The following MROH7 variants were observed in gnomAD, a reference collection of about 807,000 sequenced individuals.
The protein encoded by MROH7 is maestro heat like repeat family member 7, also known as maestro heat-like repeat-containing protein family member 7.
A neutral mutation model predicts 129.2 loss-of-function variants in MROH7; 113 were observed. That is an observed-to-expected ratio of 0.87 (90% CI 0.75 to 1.02). MROH7 has a LOEUF of 1.02. Ranked by LOEUF, MROH7 falls within the 50% of genes least tolerant of loss-of-function variation. The probability of loss-of-function intolerance (pLI) is 0.00; values close to 1 mark genes in which losing one functional copy is unlikely to be tolerated. For missense variants in MROH7, 1,601 were observed against 1,671.3 expected (o/e 0.96, Z 0.73); for synonymous variants, 655 against 667.9 (o/e 0.98, Z 0.30).
intron 17 of MROH7, chr1:54,699,156 T>TTCTTTC (rs1645382939): frequency 2.3e-5 from 2 of 85,686 alleles, no homozygotes; most frequent in Admixed American, 1.2e-4. Flanking sequence ...CTTTCTTTCT[T>TTCTTTC]TCTTTTCTTT....
chr1:54,652,843 C>G lies in MROH7; in HGVS notation c.-74-10C>G, dbSNP rs1337251727. On this transcript the variant is annotated splice_polypyrimidine_tract_variant and intron_variant, in intron 2 of 23. Transcript: ENST00000421030. ...TGGCATGGCTGCATTTGTCTTTTCT[C>G]TCTCTCAAGACTGCTGCTGGGAATG... 1 of 1,502,474 alleles carries G rather than the reference C, an allele frequency of 6.7e-7. No homozygotes were observed. Among genetic ancestry groups the G allele is most frequent in the Non-Finnish European group, 8.9e-7 (1 of 1,123,182 alleles). The allele number at this position is 1,502,474 out of a possible 1,614,324, so 93.1% of individuals were successfully genotyped here. A position where few individuals can be genotyped will look rare whatever the true frequency, so the allele number is the denominator to read the frequency against.
intron 17 of MROH7, chr1:54,699,068 A>G (rs1262615651): frequency 6.6e-6 from 1 of 150,518 alleles, no homozygotes. Context: ...TGCTGAGATT[A>G]TAGGTGTGAG....
At chr1:54,658,953 G>C (rs887160574) in intron 3 of MROH7, among the ~76,000 whole-genome samples, 2 of 152,188 alleles carry the variant, frequency 1.3e-5, no homozygotes, top group African/African-American at 4.8e-5. Context: ...GGGTTGGGGG[G>C]ACAACTGCTC....
chr1:54,696,797 G>A (rs1160327279), intron 17 of MROH7, among the ~76,000 whole-genome samples: 5 of 148,088 alleles, frequency 3.4e-5, no homozygotes, highest in Admixed American at 2.1e-4. Context: ...TCAGCCTCCC[G>A]AGTAGCTGGG....
Position 54,678,781 on chromosome 1 carries a change from A to T in MROH7, c.1976A>T (p.Tyr659Phe). The change falls in exon 11 of 24, where the codon TAT becomes TTT. Residue 659 changes from tyrosine (Y) to phenylalanine (F), a missense_variant. By Grantham distance (22) the Tyr-to-Phe change is conservative. Transcript: ENST00000421030. ...DKEETNKKEL[Y>F]ESNKHFLGPY... ...GAAGAGACCAACAAAAAGGAGCTAT[A>T]TGAGAGCAACAAGCATTTCCTGGGG... 6.2e-7 allele frequency: 1 copy of T among 1,614,112 alleles called. No individual in the cohort carries two copies. Among genetic ancestry groups the T allele is most frequent in the East Asian group, 2.2e-5 (1 of 44,878 alleles).
At chr1:54,699,109 TCTTTC>T (rs1557726783) in intron 17 of MROH7, 3 of 74,936 alleles carry the variant, frequency 4.0e-5, no homozygotes, top group African/African-American at 1.5e-4. Flanking sequence ...TTTCTTTCTT[TCTTTC>T]TTTCTTTCTT....
intron 17 of MROH7, among the ~76,000 whole-genome samples, chr1:54,696,969 G>T (rs530650541): frequency 2.0e-5 from 3 of 152,232 alleles, no homozygotes; most frequent in East Asian, 3.9e-4. Flanking sequence ...ACCACGCCTA[G>T]TCAAAATTTC....
At chr1:54,647,435 AC>A (rs1423879309) in intron 1 of MROH7, among the ~76,000 whole-genome samples, 2 of 150,886 alleles carry the variant, frequency 1.3e-5, no homozygotes, top group African/African-American at 2.4e-5. Context: ...ACATGGTGAA[AC>A]CCCGTCTCTA....
At chr1:54,670,660 TCCCCCAACCC>T in intron 6 of MROH7, 84 bp downstream of exon 6, 5 of 1,061,748 alleles carry the variant, frequency 4.7e-6, no homozygotes, top group Non-Finnish European at 6.7e-6. Flanking sequence ...CGCTGTACCC[TCCCCCAACCC>T]GCCCCCACCC....
At chr1:54,664,386 G>C (rs186039676) in intron 3 of MROH7, among the ~76,000 whole-genome samples, 2 of 152,364 alleles carry the variant, frequency 1.3e-5, no homozygotes, top group Admixed American at 1.3e-4. Flanking sequence ...GCCCCAGGGT[G>C]GGGGTGGCCT....
rs985813797 is a variant in MROH7 at position 54,706,603 on chromosome 1, C to T, written c.3667+66C>T. The T allele has an allele frequency of 4.0e-5, 51 of 1,279,344 alleles. No homozygotes were observed. In the Middle Eastern group the frequency reaches 7.4e-4, roughly 19 times the overall value. 79.2% of individuals were successfully genotyped at this position (1,279,344 alleles called of 1,614,324 possible). ...TGCCTGCTCTCCAGTTTGTTTCCTCCCAGGCTGCTAGCCCTTTCAGCACCT... is the reference window on the plus strand; with the variant it reads ...TGCCTGCTCTCCAGTTTGTTTCCTCTCAGGCTGCTAGCCCTTTCAGCACCT... On this transcript the variant is annotated intron_variant, in intron 22 of 23. Transcript: ENST00000421030.
intron 1 of MROH7, among the ~76,000 whole-genome samples, chr1:54,646,431 T>C (rs764770358): frequency 3.3e-5 from 5 of 152,178 alleles, no homozygotes; most frequent in Non-Finnish European, 7.3e-5. Context: ...GGTGCCCAGT[T>C]TGGGTTATGT....
intron 17 of MROH7, chr1:54,697,253 G>T (rs1557725272): frequency 5.9e-6 from 1 of 170,002 alleles, no homozygotes; most frequent in Admixed American, 6.1e-5. Context: ...CTTAAAGTTT[G>T]CCAAATGAAC....
At position 54,679,586 on chromosome 1, in the gene MROH7, G is replaced by A. The variant is rs1569932574; in HGVS notation, c.2226+147G>A. 48 of 920,784 alleles carry A rather than the reference G, an allele frequency of 5.2e-5. 2 individuals carry two copies. In the South Asian group the frequency reaches 8.2e-4, roughly 16 times the overall value. The allele number at this position is 920,784 out of a possible 1,614,324, so 57.0% of individuals were successfully genotyped here. ...CATGGGGCAGGGAAGGGGTGCTGGTGGCTGAGTTCTAGGTGCTCCCACCTT... is the reference window on the plus strand; with the variant it reads ...CATGGGGCAGGGAAGGGGTGCTGGTAGCTGAGTTCTAGGTGCTCCCACCTT... On this transcript the variant is annotated intron_variant, in intron 12 of 23. Transcript: ENST00000421030.
intron 17 of MROH7, among the ~76,000 whole-genome samples, chr1:54,696,757 C>T (rs978651386): frequency 4.8e-5 from 7 of 145,770 alleles, no homozygotes; most frequent in Non-Finnish European, 8.9e-5. Flanking sequence ...CTGCAAATTC[C>T]GCCTCCCAGA....
At chr1:54,663,685 T>TA (rs1225623141) in intron 3 of MROH7, 41,239 of 267,862 alleles carry the variant, frequency 0.15, 249 homozygotes, top group South Asian at 0.19. Flanking sequence ...CCATCAGCTC[T>TA]AAAAAAAAAA....
At chr1:54,665,526 C>T (rs974076747) in intron 4 of MROH7, 1 of 256,436 alleles carries the variant, frequency 3.9e-6, no homozygotes, top group African/African-American at 2.2e-5. Flanking sequence ...AATAGATGCT[C>T]AATAAAATAT....
At chr1:54,699,076 G>A (rs1329248843) in intron 17 of MROH7, 1 of 147,804 alleles carries the variant, frequency 6.8e-6, no homozygotes, top group Non-Finnish European at 1.5e-5. Context: ...TTATAGGTGT[G>A]AGCCACCTTG....
intron 1 of MROH7, among the ~76,000 whole-genome samples, chr1:54,644,064 T>A (rs1256788512): frequency 6.6e-6 from 1 of 152,220 alleles, no homozygotes; most frequent in African/African-American, 2.4e-5. Context: ...ATTTGAAGTT[T>A]CAGCAGTTTT....
Sources: gnomAD v4.1 joint callset for allele counts (sites outside exome capture counted in the v4.1 genomes callset) on GRCh38, gnomAD v4.1.1 for gene constraint, MANE v1.5 for transcripts, NCBI Gene and HGNC (gene_info 2026-07-23, HGNC 2026-07-21) for gene names.